Variants in BLK observed in about 807,000 individuals in gnomAD.
The protein encoded by BLK is BLK proto-oncogene, Src family tyrosine kinase.
In BLK, 64 loss-of-function variants were observed where a neutral mutation model predicts 61.8. The observed-to-expected ratio is 1.03, with a 90% confidence interval of 0.85 to 1.27. The LOEUF (loss-of-function observed/expected upper bound fraction) is 1.27. Among genes scored for constraint, BLK ranks in the 50% most tolerant of loss-of-function variants. BLK has a pLI of 0.00. For synonymous variants in BLK, 351 were observed against 272.0 expected (o/e 1.29, Z -2.86); for missense variants, 853 against 660.5 (o/e 1.29, Z -3.19).
At chr8:11,511,439 A>C (rs1799004723) in intron 1 of BLK, among the ~76,000 whole-genome samples, 1 of 51,040 alleles carries the variant, frequency 2.0e-5, no homozygotes, top group African/African-American at 6.6e-5. Flanking sequence ...AACTTAAAGT[A>C]TTAAAAAAAA....
chr8:11,510,774 CAAATAAATAAATAAAT>C lies in BLK; in HGVS notation c.-2+16213_-2+16228del, dbSNP rs71203391. On this transcript the variant is annotated intron_variant, in intron 1 of 12. Transcript: ENST00000259089. Reference sequence around the variant, plus strand: ...AGCCAGGATGACAGAGACTCCATCTCAAATAAATAAATAAATAAATAAATAAATAAATAAATAAATA... The same window carrying C: ...AGCCAGGATGACAGAGACTCCATCTCAAATAAATAAATAAATAAATAAATA... Among the ~76,000 whole-genome samples, 1,112 of 144,932 alleles carry C rather than the reference CAAATAAATAAATAAAT, an allele frequency of 7.7e-3. 8 individuals carry two copies. The highest frequency in any genetic ancestry group is 0.024 in the African/African-American group (964 of 39,414).
At chr8:11,535,126 C>T (rs1800058594) in intron 1 of BLK, among the ~76,000 whole-genome samples, 1 of 151,060 alleles carries the variant, frequency 6.6e-6, no homozygotes, top group South Asian at 2.1e-4. Context: ...TGCAGTGAGC[C>T]ATGATCACGC....
chr8:11,502,727 T>G (rs1482234624), intron 1 of BLK, among the ~76,000 whole-genome samples: 1 of 152,184 alleles, frequency 6.6e-6, no homozygotes, highest in Non-Finnish European at 1.5e-5. Context: ...CCGAGTGTCT[T>G]GAGGCCACAC....
At chr8:11,532,688 G>T (rs1799939799) in intron 1 of BLK, among the ~76,000 whole-genome samples, 1 of 152,150 alleles carries the variant, frequency 6.6e-6, no homozygotes, top group Non-Finnish European at 1.5e-5. Context: ...ATATCAAAAT[G>T]TGTGCAATTT....
chr8:11,535,309 AAAG>A, intron 1 of BLK, among the ~76,000 whole-genome samples: 1 of 144,086 alleles, frequency 6.9e-6, no homozygotes, highest in African/African-American at 2.5e-5. Flanking sequence ...AGAAAGAAAG[AAAG>A]AAAGAAAGAA....
intron 1 of BLK, among the ~76,000 whole-genome samples, chr8:11,522,873 G>C (rs1243913161): frequency 6.6e-6 from 1 of 152,102 alleles, no homozygotes; most frequent in East Asian, 1.9e-4. Flanking sequence ...ATCATACATG[G>C]TTAACACCTA....
chr8:11,496,232 T>C (rs1393822211), intron 1 of BLK, among the ~76,000 whole-genome samples: 1 of 152,080 alleles, frequency 6.6e-6, no homozygotes, highest in East Asian at 1.9e-4. Context: ...GGGGTTGTTT[T>C]TCGTTTATGT....
At chr8:11,538,415 G>A (rs1355483141) in intron 1 of BLK, among the ~76,000 whole-genome samples, 3 of 152,188 alleles carry the variant, frequency 2.0e-5, no homozygotes, top group Non-Finnish European at 4.4e-5. Flanking sequence ...ACTGGAGTAG[G>A]GGGACCCATA....
intron 10 of BLK, 148 bp downstream of exon 10, chr8:11,558,186 A>C: frequency 1.3e-6 from 1 of 788,550 alleles, no homozygotes; most frequent in Non-Finnish European, 2.1e-6. Flanking sequence ...GATATCCCCA[A>C]GGTCACCCAC....
At chr8:11,525,334 T>G (rs1199564529) in intron 1 of BLK, among the ~76,000 whole-genome samples, 1 of 152,244 alleles carries the variant, frequency 6.6e-6, no homozygotes, top group East Asian at 1.9e-4. Context: ...CTTATCCCTT[T>G]GTGAATTTCA....
Position 11,543,302 on chromosome 8 carries a change from G to T in BLK, c.78G>T (p.Leu26=). 1 of 1,613,764 alleles carries T rather than the reference G, an allele frequency of 6.2e-7. No individual in the cohort carries two copies. ...KEKDKGQWSP[L]KVSAQDKDAP... ...AGGACAAGGGCCAATGGAGCCCCCT[G>T]AAGGTCAGCGCCCAAGACAAGGACG... Residue 26 remains leucine (L), a synonymous_variant, in exon 2 of 13, where the codon CTG becomes CTT. Coordinates refer to ENST00000259089, the MANE Select transcript of BLK (RefSeq NM_001715.3).
intron 1 of BLK, among the ~76,000 whole-genome samples, chr8:11,539,237 T>A (rs1216910006): frequency 6.6e-6 from 1 of 152,210 alleles, no homozygotes; most frequent in Non-Finnish European, 1.5e-5. Flanking sequence ...TCTTTTCATT[T>A]GGTGTTTGCA....
chr8:11,523,150 T>C (rs1230566839), intron 1 of BLK, among the ~76,000 whole-genome samples: 1 of 152,222 alleles, frequency 6.6e-6, no homozygotes, highest in Non-Finnish European at 1.5e-5. Context: ...GGAAGACATT[T>C]GCAAGTGTGA....
chr8:11,543,265 C>T lies in BLK; in HGVS notation c.41C>T (p.Pro14Leu), dbSNP rs769734763. 20 of 1,613,838 alleles carry T rather than the reference C, an allele frequency of 1.2e-5. No individual in the cohort carries two copies. Among genetic ancestry groups the T allele is most frequent in the East Asian group, 2.2e-5 (1 of 44,890 alleles). ...AGCAAAAAGCCGGACAAGGAAAAGC[C>T]GATCAAAGAGAAGGACAAGGGCCAA... ...VSSKKPDKEK[P>L]IKEKDKGQWS... Residue 14 changes from proline (P) to leucine (L), a missense_variant, in exon 2 of 13, where the codon CCG (proline) becomes CTG (leucine). Coordinates refer to ENST00000259089, the MANE Select transcript of BLK (RefSeq NM_001715.3).
intron 1 of BLK, among the ~76,000 whole-genome samples, chr8:11,531,846 T>G (rs2033697439): frequency 6.6e-6 from 1 of 152,162 alleles, no homozygotes; most frequent in Non-Finnish European, 1.5e-5. Flanking sequence ...TCATCCCATC[T>G]AGAGTTTTGG....
At chr8:11,552,091 T>C (rs1800932597) in intron 6 of BLK, among the ~76,000 whole-genome samples, 1 of 152,190 alleles carries the variant, frequency 6.6e-6, no homozygotes, top group African/African-American at 2.4e-5. Flanking sequence ...AATATGAGTC[T>C]GGTTCCCTGT....
chr8:11,531,445 G>A (rs879879867), intron 1 of BLK, among the ~76,000 whole-genome samples: 1 of 152,108 alleles, frequency 6.6e-6, no homozygotes, highest in Non-Finnish European at 1.5e-5. Flanking sequence ...TGACACCAAG[G>A]TCACAAAGAT....
intron 10 of BLK, chr8:11,559,109 C>T: frequency 2.4e-6 from 1 of 410,410 alleles, no homozygotes; most frequent in Non-Finnish European, 5.0e-6. Context: ...TATTCAATCC[C>T]CACTACACCC....
rs77521272 is a variant in BLK at position 11,528,098 on chromosome 8, G to A, written c.-1-15126G>A. On this transcript the variant is annotated intron_variant, in intron 1 of 12. Coordinates refer to ENST00000259089, the MANE Select transcript of BLK (RefSeq NM_001715.3). ...GTCACCGAGGCTGGAGTTCAATGGCGTGATCTCAGCTCACTGCAATCTCTG... is the reference window on the plus strand; with the variant it reads ...GTCACCGAGGCTGGAGTTCAATGGCATGATCTCAGCTCACTGCAATCTCTG... Among the ~76,000 whole-genome samples, 17 of 152,250 alleles carry A rather than the reference G, an allele frequency of 1.1e-4. No individual in the cohort carries two copies. The East Asian group carries it at 1.2e-3, about 10-fold the overall frequency.
Sources: allele counts gnomAD v4.1 joint callset (sites outside exome capture counted in the v4.1 genomes callset), GRCh38; gene constraint gnomAD v4.1.1; transcripts MANE v1.5; gene names NCBI Gene and HGNC (gene_info 2026-07-23, HGNC 2026-07-21).